The following SLC35F2 variants were observed in gnomAD, a reference collection of about 807,000 sequenced individuals.
SLC35F2 encodes solute carrier family 35 member F2, also known as queuine/queuosine transporter SLC35F2.
A neutral mutation model predicts 38.1 loss-of-function variants in SLC35F2; 25 were observed. That is an observed-to-expected ratio of 0.66 (90% CI 0.48 to 0.92). SLC35F2 has a LOEUF of 0.92. Ranked by LOEUF, SLC35F2 falls within the 40% of genes least tolerant of loss-of-function variation. The probability of loss-of-function intolerance (pLI) is 0.00; values close to 1 mark genes in which losing one functional copy is unlikely to be tolerated. For missense variants in SLC35F2, 409 were observed against 452.9 expected, an observed-to-expected ratio of 0.90 and a Z score of 0.88; for synonymous variants, 173 against 181.7, an observed-to-expected ratio of 0.95 and a Z score of 0.38.
chr11:107,797,222 T>C (rs542432733), intron 7 of SLC35F2, among the ~76,000 whole-genome samples: 3 of 152,282 alleles, frequency 2.0e-5, no homozygotes, highest in South Asian at 2.1e-4. Flanking sequence ...CACCAATAAA[T>C]AGTTTTAAAT....
At chr11:107,812,130 TC>T (rs772418777) in intron 2 of SLC35F2, among the ~76,000 whole-genome samples, 5 of 152,154 alleles carry the variant, frequency 3.3e-5, no homozygotes, top group Non-Finnish European at 5.9e-5. Flanking sequence ...GGTCTTGAAC[TC>T]CTGAGCTCAA....
intron 1 of SLC35F2, among the ~76,000 whole-genome samples, chr11:107,838,627 CTTTTTTT>C (rs71047631): frequency 6.4e-4 from 70 of 108,652 alleles, no homozygotes; most frequent in Middle Eastern, 7.4e-3. Flanking sequence ...GCCCGGCCCT[CTTTTTTT>C]TTTTTTTTTT....
At chr11:107,853,719 C>CAAAAAAAA (rs67932834) in intron 1 of SLC35F2, among the ~76,000 whole-genome samples, 1 of 68,180 alleles carries the variant, frequency 1.5e-5, no homozygotes. Context: ...GACTCCGTCT[C>CAAAAAAAA]AAAAAAAAAA....
At chr11:107,847,314 GT>G (rs2134855085) in intron 1 of SLC35F2, among the ~76,000 whole-genome samples, 1 of 152,276 alleles carries the variant, frequency 6.6e-6, no homozygotes, top group Admixed American at 6.5e-5. Context: ...GTGTTCCAAA[GT>G]GCTGGGATCA....
At position 107,817,600 on chromosome 11, in the gene SLC35F2, C is replaced by T. The variant is rs1481561086; in HGVS notation, c.111-1635G>A. ...TCTCTGGCCTTAGGTGAAAGCCACA[C>T]TTTAAAATGGCCTACAGGCAACCCA... is the stretch of plus-strand genomic sequence containing the variant. On this transcript the variant is annotated intron_variant, in intron 1 of 7. Transcript: ENST00000525815. Among the ~76,000 whole-genome samples, 3 of 152,114 alleles carry T rather than the reference C, an allele frequency of 2.0e-5. No individual in the cohort carries two copies. The East Asian group carries it at 5.8e-4, about 29-fold the overall frequency.
intron 1 of SLC35F2, among the ~76,000 whole-genome samples, chr11:107,843,846 TAAAAAAAAAA>T (rs780744909): frequency 1.4e-3 from 61 of 45,182 alleles, no homozygotes; most frequent in African/African-American, 6.6e-3. Context: ...CTCTGTATCT[TAAAAAAAAAA>T]AAAAAAAAAA....
intron 1 of SLC35F2, among the ~76,000 whole-genome samples, chr11:107,843,867 AAATATATATATATATATATAT>A (rs1203107465): frequency 0.021 from 658 of 30,700 alleles, 34 homozygotes; most frequent in African/African-American, 0.088. Context: ...AAAAAAAAAA[AAATATATATATATATATATAT>A]ATATATATAT....
chr11:107,815,485 G>A (rs1011415193), intron 2 of SLC35F2, among the ~76,000 whole-genome samples: 1 of 151,708 alleles, frequency 6.6e-6, no homozygotes, highest in Non-Finnish European at 1.5e-5. Context: ...TTGAGCCTGG[G>A]AGGTCAAGGC....
intron 1 of SLC35F2, among the ~76,000 whole-genome samples, chr11:107,825,746 G>A (rs1326647971): frequency 2.6e-5 from 4 of 152,148 alleles, no homozygotes; most frequent in African/African-American, 9.7e-5. Flanking sequence ...GAGTGAGCAA[G>A]GGTCTACAGC....
rs1395099267 is a variant in SLC35F2, at chr11:107,791,462, G to A, written c.*1153C>T. ...ACATATATATGGAGCTCTGAAAACT[G>A]TTGGAGAGTATGACCTGGGACTGAA... On this transcript the variant is annotated 3_prime_UTR_variant, in exon 8 of 8. Transcript: ENST00000525815. 6.6e-6 allele frequency: 1 copy of A among 152,140 alleles called. No individual in the cohort carries two copies. Among genetic ancestry groups the A allele is most frequent in the Non-Finnish European group, 1.5e-5 (1 of 68,032 alleles). 9.4% of individuals were successfully genotyped at this position (152,140 alleles called of 1,614,324 possible).
intron 7 of SLC35F2, among the ~76,000 whole-genome samples, chr11:107,797,519 C>T (rs971892720): frequency 1.3e-5 from 2 of 151,568 alleles, no homozygotes; most frequent in Admixed American, 1.3e-4. Context: ...GAGACCCTAT[C>T]GCTAAAAAGA....
In SLC35F2 at chr11:107,806,885, A is replaced by G; in HGVS notation, c.415-9T>C. 6.2e-7 allele frequency: 1 copy of G among 1,612,300 alleles called. No individual in the cohort carries two copies. The highest frequency in any genetic ancestry group is 8.5e-7 in the Non-Finnish European group (1 of 1,178,840). On this transcript the variant is annotated splice_polypyrimidine_tract_variant and intron_variant, in intron 3 of 7. Coordinates refer to ENST00000525815, the MANE Select transcript of SLC35F2 (RefSeq NM_017515.5). Reference sequence around the variant, plus strand: ...CCAAAGCAATCCAAAAGCTGCATGGAAAGAGAATCAACAGTTTAAAACATA... The same window carrying G: ...CCAAAGCAATCCAAAAGCTGCATGGGAAGAGAATCAACAGTTTAAAACATA...
In SLC35F2 at chr11:107,816,015, T is replaced by TAAACACAC. The variant is rs1859567591; in HGVS notation, c.111-51_111-50insGTGTGTTT. On this transcript the variant is annotated intron_variant, in intron 1 of 7. Transcript: ENST00000525815. The stretch of plus-strand genomic sequence containing the variant: ...AACAGCATGCAAATAAGTTATACCT[T>TAAACACAC]ACACACACACACACACACACACACA... 3 of 1,143,268 alleles carry TAAACACAC rather than the reference T, an allele frequency of 2.6e-6. No individual in the cohort carries two copies. In the African/African-American group the frequency reaches 5.4e-5, roughly 21 times the overall value. 70.8% of individuals were successfully genotyped at this position (1,143,268 alleles called of 1,614,324 possible).
At chr11:107,832,273 A>G (rs1859855794) in intron 1 of SLC35F2, among the ~76,000 whole-genome samples, 1 of 152,168 alleles carries the variant, frequency 6.6e-6, no homozygotes, top group Non-Finnish European at 1.5e-5. Flanking sequence ...AGCATTCCCA[A>G]TGTTGTTAGT....
intron 6 of SLC35F2, 140 bp from the exon 7 acceptor site, chr11:107,803,295 A>T: frequency 7.6e-7 from 1 of 1,319,438 alleles, no homozygotes; most frequent in Non-Finnish European, 9.7e-7. Context: ...TCAGCATTGA[A>T]AATGAGACCA....
intron 7 of SLC35F2, among the ~76,000 whole-genome samples, chr11:107,798,882 C>T (rs1591184048): frequency 6.6e-6 from 1 of 152,298 alleles, no homozygotes; most frequent in East Asian, 1.9e-4. Flanking sequence ...TCGAGACCAG[C>T]CTGGCCAACA....
chr11:107,811,104 T>G (rs1274159476), intron 3 of SLC35F2: 1 of 985,164 alleles, frequency 1.0e-6, no homozygotes, highest in East Asian at 1.1e-4. Flanking sequence ...TTTGCTAACA[T>G]TAAGACAACT....
At chr11:107,800,470 T>C (rs1300853683) in intron 7 of SLC35F2, among the ~76,000 whole-genome samples, 1 of 152,200 alleles carries the variant, frequency 6.6e-6, no homozygotes, top group African/African-American at 2.4e-5. Flanking sequence ...GAAAGATAGT[T>C]AATAACCTCT....
intron 1 of SLC35F2, among the ~76,000 whole-genome samples, chr11:107,822,258 G>C (rs1024329667): frequency 4.6e-5 from 7 of 152,116 alleles, no homozygotes; most frequent in Admixed American, 2.0e-4. Context: ...AGGAATGAAA[G>C]AAGAAAAGAT....
Sources: gnomAD v4.1 joint callset for allele counts (sites outside exome capture counted in the v4.1 genomes callset) on GRCh38, gnomAD v4.1.1 for gene constraint, MANE v1.5 for transcripts, NCBI Gene and HGNC (gene_info 2026-07-23, HGNC 2026-07-21) for gene names.